The following CLMP variants were observed in gnomAD, a reference collection of about 807,000 sequenced individuals.
CLMP encodes CXADR-like membrane protein.
CLMP carries 27 observed loss-of-function variants against 45.2 expected under a neutral mutation model. The observed-to-expected ratio is 0.60, with a 90% CI of 0.44 to 0.82. CLMP has a LOEUF of 0.82. Among genes scored for constraint, CLMP ranks in the 40% least tolerant of loss-of-function variants. The probability of loss-of-function intolerance (pLI) is 0.00; values close to 1 mark genes in which losing one functional copy is unlikely to be tolerated. For synonymous variants in CLMP, 167 were observed against 171.4 expected, an observed-to-expected ratio of 0.97 and a Z score of 0.20; for missense variants, 403 against 448.4, an observed-to-expected ratio of 0.90 and a Z score of 0.91.
intron 2 of CLMP, among the ~76,000 whole-genome samples, chr11:123,091,362 C>T (rs1195475512): frequency 6.6e-6 from 1 of 152,206 alleles, no homozygotes; most frequent in Non-Finnish European, 1.5e-5. Context: ...ACCTCAGTCT[C>T]CCAAAGTGCT....
chr11:123,078,515 C>T (rs1381547560), intron 5 of CLMP, among the ~76,000 whole-genome samples: 1 of 152,106 alleles, frequency 6.6e-6, no homozygotes, highest in African/African-American at 2.4e-5. Context: ...GGCACAATCT[C>T]GGCTCACTGC....
At chr11:123,164,635 T>C (rs1472617396) in intron 1 of CLMP, among the ~76,000 whole-genome samples, 1 of 151,804 alleles carries the variant, frequency 6.6e-6, no homozygotes, top group Admixed American at 6.6e-5. Context: ...AATGAAAAAC[T>C]AATCAAGTGA....
chr11:123,188,202 C>T (rs1861857986), intron 1 of CLMP, among the ~76,000 whole-genome samples: 1 of 152,138 alleles, frequency 6.6e-6, no homozygotes, highest in Non-Finnish European at 1.5e-5. Flanking sequence ...GCAGGCGCAC[C>T]CGCTCTGTAA....
At position 123,070,304 on chromosome 11, in the gene CLMP, T is replaced by C. The variant is rs544416112; in HGVS notation, c.*3170A>G. 1 of 152,350 alleles carries C rather than the reference T, an allele frequency of 6.6e-6. No individual in the cohort carries two copies. The highest frequency in any genetic ancestry group is 1.9e-4 in the East Asian group (1 of 5,184). The allele number at this position is 152,350 out of a possible 1,614,324, so 9.4% of individuals were successfully genotyped here. On this transcript the variant is annotated 3_prime_UTR_variant, in exon 7 of 7. Transcript: ENST00000448775. ...TATGGTTTGGAACCAGTAGGGCCTC[T>C]AACTTAAGCCCAGAACCTGTCAAAG...
At chr11:123,093,394 T>A (rs1865955440) in intron 2 of CLMP, among the ~76,000 whole-genome samples, 2 of 152,192 alleles carry the variant, frequency 1.3e-5, no homozygotes, top group African/African-American at 4.8e-5. Context: ...TCACCCAGAC[T>A]GGAGTGCAGT....
intron 1 of CLMP, among the ~76,000 whole-genome samples, chr11:123,122,062 T>G (rs570032964): frequency 3.5e-4 from 53 of 152,308 alleles, no homozygotes; most frequent in Non-Finnish European, 6.5e-4. Flanking sequence ...TAGTGGGTTT[T>G]GGGGAGGAAA....
At chr11:123,185,595 C>G (rs546262967) in intron 1 of CLMP, among the ~76,000 whole-genome samples, 4 of 152,300 alleles carry the variant, frequency 2.6e-5, no homozygotes, top group Non-Finnish European at 4.4e-5. Context: ...AGGCGGGAGC[C>G]GGCTGCCCTT....
intron 2 of CLMP, among the ~76,000 whole-genome samples, chr11:123,096,576 C>G (rs1292780818): frequency 6.6e-6 from 1 of 152,052 alleles, no homozygotes; most frequent in Non-Finnish European, 1.5e-5. Context: ...AGTGACCTCG[C>G]TCTACAGAGA....
chr11:123,113,303 C>T (rs1860668318), intron 1 of CLMP, among the ~76,000 whole-genome samples: 1 of 152,176 alleles, frequency 6.6e-6, no homozygotes, highest in South Asian at 2.1e-4. Context: ...AAATGAATGA[C>T]ATTGTCTTTT....
rs1555084536 is a variant in CLMP, at chr11:123,150,479, G to GAAAGAAAGAAAGAAAGAA, written c.28+44433_28+44434insTTCTTTCTTTCTTTCTTT. ...AGAAAGAAAGAAAGAAAGAAAGAAA[G>GAAAGAAAGAAAGAAAGAA]AAAGGAAGGAAGGAAGGAAGGAAGG... On this transcript the variant is annotated intron_variant, in intron 1 of 6. Transcript: ENST00000448775. 3.5e-3 allele frequency among the ~76,000 whole-genome samples: 372 copies of GAAAGAAAGAAAGAAAGAA among 106,588 alleles called. 6 individuals are homozygous for GAAAGAAAGAAAGAAAGAA. The highest frequency in any genetic ancestry group is 5.6e-3 in the Non-Finnish European group (275 of 49,270). The allele number at this position is 106,588 out of a possible 152,430, so 69.9% of individuals were successfully genotyped here.
chr11:123,120,720 C>T (rs190443133), intron 1 of CLMP, among the ~76,000 whole-genome samples: 1 of 152,222 alleles, frequency 6.6e-6, no homozygotes, highest in East Asian at 1.9e-4. Context: ...GATACAGTGT[C>T]TTCCATTATG....
At chr11:123,163,643 AGGGGAGAACCACT>A (rs921222644) in intron 1 of CLMP, among the ~76,000 whole-genome samples, 11 of 152,232 alleles carry the variant, frequency 7.2e-5, no homozygotes, top group Admixed American at 2.6e-4. Context: ...CTTCAGTAAA[AGGGGAGAACCACT>A]GGCCCCTAGG....
intron 1 of CLMP, among the ~76,000 whole-genome samples, chr11:123,178,817 G>A (rs935241277): frequency 6.6e-6 from 1 of 152,208 alleles, no homozygotes; most frequent in Admixed American, 6.5e-5. Flanking sequence ...CTTTGGGCAA[G>A]TCATTTAAAT....
intron 1 of CLMP, among the ~76,000 whole-genome samples, chr11:123,146,567 C>T (rs1466310199): frequency 6.6e-6 from 1 of 152,088 alleles, no homozygotes; most frequent in African/African-American, 2.4e-5. Context: ...TGTGACACAT[C>T]CTCATTCTTA....
intron 5 of CLMP, 102 bp from the exon 6 acceptor site, chr11:123,074,945 GGTTT>G (rs1324623449): frequency 8.9e-6 from 12 of 1,345,226 alleles, no homozygotes; most frequent in South Asian, 1.4e-5. Flanking sequence ...AGTATTTGCA[GGTTT>G]GTTTGTTTTG....
chr11:123,136,409 G>C, intron 1 of CLMP: 5 of 475,306 alleles, frequency 1.1e-5, no homozygotes, highest in Non-Finnish European at 2.0e-5. Flanking sequence ...GCCAGTTCTA[G>C]GGTGGTCCCC....
At chr11:123,120,049 T>C (rs1303856011) in intron 1 of CLMP, among the ~76,000 whole-genome samples, 1 of 152,184 alleles carries the variant, frequency 6.6e-6, no homozygotes, top group African/African-American at 2.4e-5. Context: ...GGTATAAGAC[T>C]TTTTCCCATT....
At chr11:123,187,657 C>G (rs1041112721) in intron 1 of CLMP, among the ~76,000 whole-genome samples, 1 of 152,014 alleles carries the variant, frequency 6.6e-6, no homozygotes, top group African/African-American at 2.4e-5. Context: ...ATTAAGAGAT[C>G]CAAATTCACA....
chr11:123,141,932 A>G (rs1296549881), intron 1 of CLMP, among the ~76,000 whole-genome samples: 1 of 151,120 alleles, frequency 6.6e-6, no homozygotes, highest in Non-Finnish European at 1.5e-5. Context: ...ATGGGCTACA[A>G]TCTCTGGTAG....
Sources: gnomAD v4.1 joint callset for allele counts (sites outside exome capture counted in the v4.1 genomes callset) on GRCh38, gnomAD v4.1.1 for gene constraint, MANE v1.5 for transcripts, NCBI Gene and HGNC (gene_info 2026-07-23, HGNC 2026-07-21) for gene names.